FHIT: variants seen among roughly 807,000 people sequenced by gnomAD.
FHIT encodes the protein fragile histidine triad diadenosine triphosphatase, also known as bis(5'-adenosyl)-triphosphatase.
A neutral mutation model predicts 17.9 loss-of-function variants in FHIT; 19 were observed. The ratio of observed to expected loss-of-function variants is 1.06; its 90% CI spans 0.74 to 1.56. The LOEUF (loss-of-function observed/expected upper bound fraction) is 1.56. FHIT is among the 40% of genes most tolerant of loss of function. FHIT has a pLI of 0.00. For synonymous variants in FHIT, 81 were observed against 69.7 expected (o/e 1.16, Z -0.81); for missense variants, 248 against 189.2 (o/e 1.31, Z -1.82).
chr3:60,644,893 GA>G (rs1320899259), intron 4 of FHIT, among the ~76,000 whole-genome samples: 2 of 152,158 alleles, frequency 1.3e-5, no homozygotes, highest in African/African-American at 4.8e-5. Flanking sequence ...GAAACTAAGA[GA>G]CAGAAGGGCT....
At chr3:59,855,786 GTTT>G (rs67545645) in intron 8 of FHIT, among the ~76,000 whole-genome samples, 1 of 144,610 alleles carries the variant, frequency 6.9e-6, no homozygotes, top group African/African-American at 2.5e-5. Flanking sequence ...ACCTTTTTTT[GTTT>G]TTTTTTTTTG....
chr3:61,106,639 C>T (rs1207450109), intron 2 of FHIT, among the ~76,000 whole-genome samples: 1 of 151,928 alleles, frequency 6.6e-6, no homozygotes, highest in African/African-American at 2.4e-5. Context: ...TTAACATATG[C>T]ATTCATCACA....
At chr3:59,910,074 A>AC (rs1704795048) in intron 8 of FHIT, among the ~76,000 whole-genome samples, 1 of 152,188 alleles carries the variant, frequency 6.6e-6, no homozygotes, top group African/African-American at 2.4e-5. Context: ...GAGGAGGTGC[A>AC]CCTGTGACAC....
chr3:60,155,415 G>A (rs1032105874), intron 5 of FHIT, among the ~76,000 whole-genome samples: 9 of 152,002 alleles, frequency 5.9e-5, no homozygotes, highest in Non-Finnish European at 1.0e-4. Context: ...ACTACCCCAC[G>A]CAGCAAAGTC....
intron 5 of FHIT, among the ~76,000 whole-genome samples, chr3:60,231,889 G>A (rs1488263435): frequency 6.6e-6 from 1 of 152,118 alleles, no homozygotes; most frequent in African/African-American, 2.4e-5. Context: ...ATCCTGGGTG[G>A]ACCTGATTTA....
intron 4 of FHIT, among the ~76,000 whole-genome samples, chr3:60,689,077 A>ACAG (rs2040927190): frequency 6.6e-6 from 1 of 152,146 alleles, no homozygotes; most frequent in Admixed American, 6.5e-5. Context: ...TGTTCTCCTG[A>ACAG]TAGTGAATAA....
chr3:60,778,707 G>A lies in FHIT; in HGVS notation c.-18+43212C>T, dbSNP rs952745639. ...TGAATATTGTTATGGCAATATAGTTGTTTGCATCAGTGCCAATAAGAATCC... is the reference window on the plus strand; with the variant it reads ...TGAATATTGTTATGGCAATATAGTTATTTGCATCAGTGCCAATAAGAATCC... On this transcript the variant is annotated intron_variant, in intron 4 of 9. Transcript: ENST00000492590. Among the ~76,000 whole-genome samples the A allele has an allele frequency of 1.1e-3, 50 of 47,404 alleles. No individual in the cohort carries two copies. In the Middle Eastern group the frequency reaches 0.039, roughly 37 times the overall value. The allele number at this position is 47,404 out of a possible 152,430, so 31.1% of individuals were successfully genotyped here. A position where few individuals can be genotyped will look rare whatever the true frequency, so the allele number is the denominator to read the frequency against.
At chr3:59,815,736 G>C (rs1449923219) in intron 8 of FHIT, among the ~76,000 whole-genome samples, 5 of 152,080 alleles carry the variant, frequency 3.3e-5, no homozygotes, top group African/African-American at 1.2e-4. Context: ...GGACTCAAGG[G>C]AAAAGAGTGG....
intron 2 of FHIT, among the ~76,000 whole-genome samples, chr3:61,048,803 T>G (rs2033913421): frequency 6.6e-6 from 1 of 152,070 alleles, no homozygotes; most frequent in Non-Finnish European, 1.5e-5. Context: ...CCATAAAAAA[T>G]GATGAGTTCA....
chr3:60,522,658 A>C (rs1234074018), intron 5 of FHIT, among the ~76,000 whole-genome samples: 1 of 152,152 alleles, frequency 6.6e-6, no homozygotes, highest in Non-Finnish European at 1.5e-5. Flanking sequence ...TGTGCATTGG[A>C]AGGATGTTTT....
chr3:59,907,170 T>G (rs545196798), intron 8 of FHIT, among the ~76,000 whole-genome samples: 1 of 152,342 alleles, frequency 6.6e-6, no homozygotes, highest in South Asian at 2.1e-4. Context: ...GAAGCCTTTC[T>G]GATGGCCCCA....
At chr3:60,029,899 G>GTGTGTGTGTGTGTGTGTGTGTGTGTGTC (rs1700923237) in intron 5 of FHIT, among the ~76,000 whole-genome samples, 1 of 123,204 alleles carries the variant, frequency 8.1e-6, no homozygotes, top group Non-Finnish European at 1.8e-5. Flanking sequence ...GTGTGTGTCT[G>GTGTGTGTGTGTGTGTGTGTGTGTGTGTC]TGTGTGTGTG....
chr3:60,631,284 C>T (rs1159941267), intron 4 of FHIT, among the ~76,000 whole-genome samples: 4 of 152,074 alleles, frequency 2.6e-5, no homozygotes, highest in South Asian at 4.2e-4. Flanking sequence ...GCTGGGGAAG[C>T]CAGATTACAT....
intron 5 of FHIT, among the ~76,000 whole-genome samples, chr3:60,208,837 T>C (rs1703319026): frequency 6.6e-6 from 1 of 152,294 alleles, no homozygotes; most frequent in Non-Finnish European, 1.5e-5. Flanking sequence ...CATTTAGCTC[T>C]AAGTTTCCAT....
At chr3:60,936,511 G>C (rs938382629) in intron 3 of FHIT, among the ~76,000 whole-genome samples, 1 of 152,080 alleles carries the variant, frequency 6.6e-6, no homozygotes, top group African/African-American at 2.4e-5. Context: ...AAATGTTAAG[G>C]GTCTATTCAT....
intron 5 of FHIT, among the ~76,000 whole-genome samples, chr3:60,226,851 C>T (rs999588746): frequency 1.3e-5 from 2 of 152,168 alleles, no homozygotes; most frequent in South Asian, 2.1e-4. Flanking sequence ...TATTGTCACG[C>T]CACTTCTCTA....
rs532524957 is a variant in FHIT, at chr3:60,377,608, A to C, written c.103+159252T>G. ...GCCATTCTCCTGCCTCAGCCTCCCG[A>C]GTAGCTGGGACTACAGGCGCCCGCC... is the stretch of plus-strand genomic sequence containing the variant. On this transcript the variant is annotated intron_variant, in intron 5 of 9. Transcript: ENST00000492590. 9.6e-4 allele frequency among the ~76,000 whole-genome samples: 142 copies of C among 147,778 alleles called. 1 individual carries two copies. Among genetic ancestry groups the C allele is most frequent in the African/African-American group, 3.3e-3 (130 of 39,796 alleles).
Position 60,261,584 on chromosome 3 carries a change from A to ATC in FHIT, c.104-247434_104-247433dup, listed in dbSNP as rs1706303156. ...TAAAAAGAAACCAGCCTGATGTCAG[A>ATC]TCCTCTTCAACATAGAAACTATCCT... On this transcript the variant is annotated intron_variant, in intron 5 of 9. Transcript: ENST00000492590. 2.6e-5 allele frequency among the ~76,000 whole-genome samples: 4 copies of ATC among 152,200 alleles called. 1 individual carries two copies. The South Asian group carries it at 8.3e-4, about 32-fold the overall frequency.
chr3:60,681,140 A>C (rs1553696771), intron 4 of FHIT, among the ~76,000 whole-genome samples: 1 of 152,294 alleles, frequency 6.6e-6, no homozygotes, highest in East Asian at 1.9e-4. Flanking sequence ...TAGCAAGTCT[A>C]TTGGCACCAT....
Sources: gnomAD v4.1 joint callset for allele counts (sites outside exome capture counted in the v4.1 genomes callset) on GRCh38, gnomAD v4.1.1 for gene constraint, MANE v1.5 for transcripts, NCBI Gene and HGNC (gene_info 2026-07-23, HGNC 2026-07-21) for gene names.